Variants in DNAJB1 observed in about 807,000 individuals in gnomAD.
DNAJB1 encodes dnaJ homolog subfamily B member 1.
Under a neutral mutation model 24.0 loss-of-function variants are expected in DNAJB1, and 14 were observed. That is an observed-to-expected ratio of 0.58 (90% CI 0.39 to 0.91). The LOEUF is 0.91. Ranked by LOEUF, DNAJB1 falls within the 40% of genes least tolerant of loss-of-function variation. DNAJB1 has a pLI of 0.00. For missense variants in DNAJB1, 517 were observed against 458.1 expected (o/e 1.13, Z -1.17); for synonymous variants, 262 against 174.4 (o/e 1.50, Z -3.96).
At chr19:14,545,958 C>T (rs1225017489) in intron 1 of DNAJB1, 1 of 152,228 alleles carries the variant, frequency 6.6e-6, no homozygotes, top group East Asian at 1.9e-4. Context: ...CAGAGCTCCT[C>T]TGGGCCACAT....
At chr19:14,535,724 C>T (rs1400867100) in intron 1 of DNAJB1, among the ~76,000 whole-genome samples, 1 of 137,234 alleles carries the variant, frequency 7.3e-6, no homozygotes, top group Non-Finnish European at 1.6e-5. Flanking sequence ...CCACTGCATT[C>T]CGGTCCTGGG....
At position 14,516,830 on chromosome 19, in the gene DNAJB1, T is replaced by C. The variant is rs769796405; in HGVS notation, c.428A>G (p.Asn143Ser). 9 of 1,613,832 alleles carry C rather than the reference T, an allele frequency of 5.6e-6. No homozygotes were observed. In the Admixed American group the frequency reaches 1.0e-4, roughly 18 times the overall value. The change falls in exon 2 of 3, where the codon AAC becomes AGC. Residue 143 changes from asparagine (N) to serine (S), a missense_variant. Physicochemically the swap from Asn to Ser is conservative, Grantham distance 46. Coordinates refer to ENST00000254322, the MANE Select transcript of DNAJB1 (RefSeq NM_006145.3). ...AGAGCGGGAGCGGCCAAAGTTCACG[T>C]TGGTGAAGCCACCCATGCCCATAGG... ...GFPMGMGGFT[N>S]VNFGRSRSAQ...
upstream of DNAJB1, among the ~76,000 whole-genome samples, chr19:14,552,476 C>T (rs1467320397): frequency 2.0e-5 from 3 of 151,950 alleles, no homozygotes; most frequent in South Asian, 4.2e-4. Flanking sequence ...AGGGCTTCCT[C>T]GTTCCCAAGC....
At chr19:14,522,552 A>C (rs2072372720), upstream of DNAJB1, among the ~76,000 whole-genome samples, 1 of 151,550 alleles carries the variant, frequency 6.6e-6, no homozygotes, top group Non-Finnish European at 1.5e-5. Flanking sequence ...CAGAAAAAGC[A>C]TCAGCTCCTG....
intron 1 of DNAJB1, among the ~76,000 whole-genome samples, chr19:14,547,305 A>G (rs551434771): frequency 2.0e-5 from 3 of 152,226 alleles, no homozygotes; most frequent in South Asian, 4.1e-4. Flanking sequence ...AAGCTTGGGT[A>G]AAAATATTAG....
chr19:14,539,188 GT>G (rs1001491204), intron 1 of DNAJB1, among the ~76,000 whole-genome samples: 4 of 109,902 alleles, frequency 3.6e-5, no homozygotes, highest in African/African-American at 1.5e-4. Flanking sequence ...TAGAGACGAA[GT>G]TTTACCGTGT....
At chr19:14,518,656 T>C (rs995520940), upstream of DNAJB1, among the ~76,000 whole-genome samples, 5 of 151,922 alleles carry the variant, frequency 3.3e-5, no homozygotes, top group African/African-American at 7.3e-5. Context: ...CGCCCACCTT[T>C]CGGGACGAGC....
intron 1 of DNAJB1, among the ~76,000 whole-genome samples, chr19:14,535,756 C>CAAAAAAA (rs1161257175): frequency 1.9e-4 from 10 of 51,932 alleles, no homozygotes; most frequent in African/African-American, 4.0e-4. Context: ...GACTCTGTCT[C>CAAAAAAA]AAAAAAAAAA....
In DNAJB1 at chr19:14,545,410, G is replaced by GGGCCCTCTGCACCGCTGTCTCCTCTC. The variant is rs1555732419; in HGVS notation, c.-214+4797_-214+4798insGAGAGGAGACAGCGGTGCAGAGGGCC. Among the ~76,000 whole-genome samples, 3 of 148,860 alleles carry GGGCCCTCTGCACCGCTGTCTCCTCTC rather than the reference G, an allele frequency of 2.0e-5. No individual in the cohort carries two copies. In the South Asian group the frequency reaches 6.4e-4, roughly 32 times the overall value. On this transcript the variant is annotated intron_variant, in intron 1 of 3. Coordinates refer to the DNAJB1 transcript ENST00000676982. ...CCCACTGTGGCCCTCTGGGCCCTCT[G>GGGCCCTCTGCACCGCTGTCTCCTCTC]CACCGCTGTCTCCTCTCCACAGCTC...
At chr19:14,530,225 A>G (rs35258260), upstream of DNAJB1, 23,478 of 173,124 alleles carry the variant, frequency 0.14, 1,712 homozygotes, top group African/African-American at 0.16. Context: ...TTCGCAGAGC[A>G]GCGAAGCTGA....
At chr19:14,517,583 C>CT (rs1276195853) in intron 1 of DNAJB1, 1 of 154,606 alleles carries the variant, frequency 6.5e-6, no homozygotes, top group African/African-American at 2.4e-5. Flanking sequence ...AAGCCCTGCT[C>CT]TCCTTACCCT....
intron 1 of DNAJB1, among the ~76,000 whole-genome samples, chr19:14,540,743 G>A (rs1029803038): frequency 3.9e-5 from 6 of 152,098 alleles, no homozygotes; most frequent in African/African-American, 1.4e-4. Flanking sequence ...TGGCCAGGAT[G>A]GCCTCGAACT....
upstream of DNAJB1, among the ~76,000 whole-genome samples, chr19:14,533,761 C>A (rs1418070896): frequency 6.6e-5 from 10 of 152,194 alleles, no homozygotes; most frequent in Admixed American, 6.5e-4. Context: ...TGAAGCCTCT[C>A]TCTAGAACGG....
At chr19:14,552,062 C>G (rs2073542155), upstream of DNAJB1, among the ~76,000 whole-genome samples, 2 of 151,016 alleles carry the variant, frequency 1.3e-5, no homozygotes, top group Non-Finnish European at 3.0e-5. Context: ...CAGCCTTGAC[C>G]TCCTGGGCTC....
At position 14,515,948 on chromosome 19, in the gene DNAJB1, G is replaced by A; in HGVS notation, c.1015C>T (p.Pro339Ser). 1 of 1,608,040 alleles carries A rather than the reference G, an allele frequency of 6.2e-7. No individual in the cohort carries two copies. Residue 339 changes from proline to serine, a missense_variant, in exon 3 of 3, where the codon CCA becomes TCA. Pro to Ser is a moderately conservative substitution (Grantham distance 74). Coordinates refer to ENST00000254322, the MANE Select transcript of DNAJB1 (RefSeq NM_006145.3). ...TSRTVLEQVL[P>S]I ...TTGGGGAGCTCAGATAGCTATATTGGAAGAACCTGCTCAAGTACGGTTCTT... is the reference window on the plus strand; with the variant it reads ...TTGGGGAGCTCAGATAGCTATATTGAAAGAACCTGCTCAAGTACGGTTCTT...
At chr19:14,540,481 G>A (rs954473895) in intron 1 of DNAJB1, among the ~76,000 whole-genome samples, 2 of 149,886 alleles carry the variant, frequency 1.3e-5, no homozygotes, top group African/African-American at 4.9e-5. Flanking sequence ...CAACCTCTGC[G>A]TCTGGGATTC....
rs1053814995 is a variant in DNAJB1 at position 14,515,608 on chromosome 19, G to C, written c.*332C>G. 3.2e-6 allele frequency: 1 copy of C among 315,552 alleles called. No individual in the cohort carries two copies. The allele number at this position is 315,552 out of a possible 1,614,324, so 19.5% of individuals were successfully genotyped here. On this transcript the variant is annotated 3_prime_UTR_variant, in exon 3 of 3. Transcript: ENST00000254322. ...CCAGCCAGAAGCAAAAAGACACAGA[G>C]GGATCAAGTCCATCTGCTGGTCTGC...
intron 1 of DNAJB1, among the ~76,000 whole-genome samples, chr19:14,535,473 C>T (rs574926553): frequency 1.3e-3 from 165 of 122,952 alleles, no homozygotes; most frequent in African/African-American, 5.0e-3. Flanking sequence ...CGCCACTGCA[C>T]TCCAGCCTGG....
upstream of DNAJB1, among the ~76,000 whole-genome samples, chr19:14,520,189 C>T (rs1181262556): frequency 6.6e-6 from 1 of 152,142 alleles, no homozygotes; most frequent in African/African-American, 2.4e-5. Context: ...AGGCATGGCA[C>T]AAAGGAAGCA....
Sources: allele counts gnomAD v4.1 joint callset (sites outside exome capture counted in the v4.1 genomes callset), GRCh38; gene constraint gnomAD v4.1.1; transcripts MANE v1.5; gene names NCBI Gene and HGNC (gene_info 2026-07-23, HGNC 2026-07-21).